The following FSTL4 variants were observed in gnomAD, a reference collection of about 807,000 sequenced individuals.
FSTL4 encodes the protein follistatin-related protein 4.
A neutral mutation model predicts 78.2 loss-of-function variants in FSTL4; 28 were observed. The ratio of observed to expected loss-of-function variants is 0.36; its 90% CI spans 0.27 to 0.49. FSTL4 has a LOEUF of 0.49. Among genes scored for constraint, FSTL4 ranks in the 20% least tolerant of loss-of-function variants. The pLI is 0.98. For missense variants in FSTL4, 922 were observed against 1,084.9 expected (o/e 0.85, Z 2.11); for synonymous variants, 422 against 440.5 (o/e 0.96, Z 0.53).
At chr5:133,531,335 T>C (rs1432085345) in intron 3 of FSTL4, among the ~76,000 whole-genome samples, 1 of 152,144 alleles carries the variant, frequency 6.6e-6, no homozygotes. Context: ...GGCCCTGACT[T>C]TGGCCCTAAT....
At chr5:133,290,041 G>A (rs1374481175) in intron 6 of FSTL4, among the ~76,000 whole-genome samples, 2 of 152,202 alleles carry the variant, frequency 1.3e-5, no homozygotes, top group African/African-American at 4.8e-5. Context: ...CCATCCCCGA[G>A]AGAGTGGCCA....
chr5:133,755,670 C>A, the FSTL4 span, among the ~76,000 whole-genome samples: 2 of 152,198 alleles, frequency 1.3e-5, no homozygotes, highest in Admixed American at 6.5e-5. Context: ...CCCAAAGCAC[C>A]CTTCTCCATG....
At chr5:133,562,669 AG>A (rs1759942068) in intron 3 of FSTL4, among the ~76,000 whole-genome samples, 1 of 152,180 alleles carries the variant, frequency 6.6e-6, no homozygotes, top group African/African-American at 2.4e-5. Context: ...CAGCGCTGGG[AG>A]GTGGGCAATG....
intron 4 of FSTL4, among the ~76,000 whole-genome samples, chr5:133,395,718 C>T (rs888155418): frequency 3.3e-5 from 5 of 150,806 alleles, no homozygotes; most frequent in African/African-American, 1.2e-4. Context: ...TACTTCATGC[C>T]TGTACTCCTA....
intron 6 of FSTL4, among the ~76,000 whole-genome samples, chr5:133,276,315 G>A (rs892947655): frequency 2.0e-5 from 3 of 152,324 alleles, no homozygotes; most frequent in South Asian, 2.1e-4. Flanking sequence ...GAGGGCACGC[G>A]TAGGTGGCTC....
the FSTL4 span, among the ~76,000 whole-genome samples, chr5:133,790,502 G>A: frequency 6.6e-6 from 1 of 152,130 alleles, no homozygotes; most frequent in East Asian, 1.9e-4. Context: ...GGTGATCACA[G>A]CCCCTCTTAC....
chr5:133,405,647 C>G (rs1002237816), intron 3 of FSTL4, among the ~76,000 whole-genome samples: 1 of 152,198 alleles, frequency 6.6e-6, no homozygotes, highest in Non-Finnish European at 1.5e-5. Flanking sequence ...ACATAACGGT[C>G]CCAGTATTCT....
the FSTL4 span, among the ~76,000 whole-genome samples, chr5:133,691,262 T>C: frequency 1.3e-5 from 2 of 152,220 alleles, no homozygotes; most frequent in African/African-American, 4.8e-5. Context: ...TGCCAAAGCA[T>C]TCTTTAATGG....
At position 133,401,833 on chromosome 5, in the gene FSTL4, TAGATGTGAGTAGGAGTTTTGTAC is replaced by T. The variant is rs370213885; in HGVS notation, c.161-870_161-848del. ...CATTTGCAGGTCTCAGGTAGAAGAC[TAGATGTGAGTAGGAGTTTTGTAC>T]AGTGGTGGGGTTGGGGGTCAAGGTG... On this transcript the variant is annotated intron_variant, in intron 3 of 15. Coordinates refer to ENST00000265342, the MANE Select transcript of FSTL4 (RefSeq NM_015082.2). Among the ~76,000 whole-genome samples the T allele has an allele frequency of 9.5e-3, 1,449 of 152,186 alleles. 22 individuals carry two copies. The highest frequency in any genetic ancestry group is 0.033 in the African/African-American group (1,365 of 41,508).
chr5:133,309,438 C>G (rs571023058), intron 6 of FSTL4, among the ~76,000 whole-genome samples: 1 of 152,334 alleles, frequency 6.6e-6, no homozygotes, highest in African/African-American at 2.4e-5. Flanking sequence ...TTGGCTCCAT[C>G]TGACAATCAG....
intron 6 of FSTL4, among the ~76,000 whole-genome samples, chr5:133,274,003 G>C (rs1752824364): frequency 6.6e-6 from 1 of 152,202 alleles, no homozygotes; most frequent in Non-Finnish European, 1.5e-5. Flanking sequence ...TCTCCTTGGG[G>C]AACAAAGTCT....
At chr5:133,221,989 T>C (rs1315717416) in intron 11 of FSTL4, among the ~76,000 whole-genome samples, 1 of 147,762 alleles carries the variant, frequency 6.8e-6, no homozygotes, top group Non-Finnish European at 1.5e-5. Context: ...TTTAGTGAGT[T>C]AGAAAACAAC....
chr5:133,825,190 C>A, the FSTL4 span, among the ~76,000 whole-genome samples: 16 of 152,128 alleles, frequency 1.1e-4, no homozygotes, highest in Non-Finnish European at 5.9e-5. Context: ...CTCCCTACTC[C>A]CACGCCACCT....
intron 3 of FSTL4, among the ~76,000 whole-genome samples, chr5:133,403,555 G>A (rs936104634): frequency 6.6e-6 from 1 of 152,236 alleles, no homozygotes; most frequent in Admixed American, 6.5e-5. Flanking sequence ...GGCTAATTCA[G>A]TGCAGTTAAG....
At chr5:133,698,750 T>C in the FSTL4 span, among the ~76,000 whole-genome samples, 1 of 152,216 alleles carries the variant, frequency 6.6e-6, no homozygotes, top group Non-Finnish European at 1.5e-5. Context: ...CTTGAGAATC[T>C]GGAGCTCTCA....
chr5:133,678,764 A>G, the FSTL4 span, among the ~76,000 whole-genome samples: 9 of 152,170 alleles, frequency 5.9e-5, no homozygotes, highest in African/African-American at 1.9e-4. Flanking sequence ...CTGAGACTAG[A>G]TAAGATTACC....
rs139227073 is a variant in FSTL4, at chr5:133,260,890, G to A, written c.728-11314C>T. 2.4e-4 allele frequency among the ~76,000 whole-genome samples: 36 copies of A among 152,324 alleles called. No homozygotes were observed. In the East Asian group the frequency reaches 3.7e-3, roughly 16 times the overall value. ...CTCCAACTGGTGACACTGTGGGCAC[G>A]AGCAGAAAGTGGAAACGTGGAGTAA... On this transcript the variant is annotated intron_variant, in intron 6 of 15. Coordinates refer to ENST00000265342, the MANE Select transcript of FSTL4 (RefSeq NM_015082.2).
intron 2 of FSTL4, among the ~76,000 whole-genome samples, chr5:133,577,190 C>A (rs1004741850): frequency 6.6e-6 from 1 of 152,160 alleles, no homozygotes; most frequent in Non-Finnish European, 1.5e-5. Flanking sequence ...AACCCTAAAC[C>A]CGGGGCTAGT....
At chr5:133,617,043 G>A (rs768723662), upstream of FSTL4, among the ~76,000 whole-genome samples, 35 of 152,078 alleles carry the variant, frequency 2.3e-4, no homozygotes, top group East Asian at 9.7e-4. Flanking sequence ...GCTCATGCCT[G>A]TAATCCCAGC....
Sources: gnomAD v4.1 joint callset for allele counts (sites outside exome capture counted in the v4.1 genomes callset) on GRCh38, gnomAD v4.1.1 for gene constraint, MANE v1.5 for transcripts, NCBI Gene and HGNC (gene_info 2026-07-23, HGNC 2026-07-21) for gene names.